ANKFN1: variants seen among roughly 807,000 people sequenced by gnomAD.
ANKFN1 encodes ankyrin repeat and fibronectin type III domain containing 1, also known as ankyrin repeat and fibronectin type-III domain-containing protein 1.
In ANKFN1, 74 loss-of-function variants were observed where a neutral mutation model predicts 108.7. The observed-to-expected ratio is 0.68, with a 90% confidence interval of 0.56 to 0.83. The LOEUF is 0.83. ANKFN1 is among the 40% of genes least tolerant of loss of function. ANKFN1 has a pLI of 0.00. For synonymous variants in ANKFN1, 547 were observed against 516.2 expected, an observed-to-expected ratio of 1.06 and a Z score of -0.81; for missense variants, 1,505 against 1,382.3, an observed-to-expected ratio of 1.09 and a Z score of -1.41.
chr17:56,509,498 C>T (rs1274322651), intron 20 of ANKFN1, among the ~76,000 whole-genome samples: 1 of 152,234 alleles, frequency 6.6e-6, no homozygotes, highest in Admixed American at 6.5e-5. Context: ...TCATACCATA[C>T]TTCCATTTCC....
chr17:56,441,083 A>C (rs1233226864), intron 9 of ANKFN1, among the ~76,000 whole-genome samples: 1 of 152,192 alleles, frequency 6.6e-6, no homozygotes, highest in Non-Finnish European at 1.5e-5. Flanking sequence ...ATGCAAAAAA[A>C]ATAAAAACAC....
chr17:56,126,519 G>A (rs1344795365), intron 4 of ANKFN1, among the ~76,000 whole-genome samples: 1 of 152,084 alleles, frequency 6.6e-6, no homozygotes, highest in Admixed American at 6.5e-5. Flanking sequence ...TTTAGACTTG[G>A]TGTTCTCTGT....
At chr17:56,485,864 C>A (rs2050839752) in intron 18 of ANKFN1, among the ~76,000 whole-genome samples, 1 of 152,096 alleles carries the variant, frequency 6.6e-6, no homozygotes, top group South Asian at 2.1e-4. Context: ...GAGCCCAACC[C>A]CAGAGATGCT....
At chr17:56,151,663 G>A (rs1387129071), upstream of ANKFN1, among the ~76,000 whole-genome samples, 3 of 152,058 alleles carry the variant, frequency 2.0e-5, no homozygotes, top group Admixed American at 2.0e-4. Flanking sequence ...TGAGTTTCTG[G>A]GGTTTCATAG....
intron 18 of ANKFN1, among the ~76,000 whole-genome samples, chr17:56,482,972 T>A (rs146484091): frequency 0.01 from 1,573 of 151,328 alleles, 26 homozygotes; most frequent in African/African-American, 0.037. Context: ...GAGAAAAAAA[T>A]AATAATGAAA....
chr17:56,059,261 G>T (rs918393855), intron 4 of ANKFN1, among the ~76,000 whole-genome samples: 1 of 151,996 alleles, frequency 6.6e-6, no homozygotes, highest in African/African-American at 2.4e-5. Context: ...CATATACTTT[G>T]CCCACTTTTT....
chr17:56,245,842 G>A (rs1316834979), intron 3 of ANKFN1: 2 of 152,040 alleles, frequency 1.3e-5, no homozygotes, highest in Non-Finnish European at 2.9e-5. Flanking sequence ...CTTTGTTATA[G>A]CACTAAGTCA....
intron 1 of ANKFN1, among the ~76,000 whole-genome samples, chr17:56,159,980 G>C (rs1909493700): frequency 6.6e-6 from 1 of 152,112 alleles, no homozygotes; most frequent in African/African-American, 2.4e-5. Context: ...CAGAGAGATG[G>C]GAGGGGTGGG....
chr17:56,372,646 T>C lies in ANKFN1; in HGVS notation c.602T>C (p.Phe201Ser), dbSNP rs745738890. The C allele has an allele frequency of 5.0e-6, 8 of 1,610,868 alleles. No homozygotes were observed. Among genetic ancestry groups the C allele is most frequent in the Non-Finnish European group, 6.8e-6 (8 of 1,179,178 alleles). Residue 201 changes from phenylalanine to serine, a missense_variant and splice_region_variant, in exon 7 of 21, where the codon TTT becomes TCT. Coordinates refer to ENST00000682825, the MANE Select transcript of ANKFN1 (RefSeq NM_001370326.1). ...LRTGARESPH[F>S]VSLESRAMHL... ...AGTAATCCCATTTCTTTCCCTTTAG[T>C]TGTCAGCCTGGAAAGCCGAGCAATG...
intron 4 of ANKFN1, among the ~76,000 whole-genome samples, chr17:56,076,087 T>C (rs1905177833): frequency 6.6e-6 from 1 of 152,176 alleles, no homozygotes; most frequent in South Asian, 2.1e-4. Flanking sequence ...TTTGGAAAGG[T>C]CATTCAGTCT....
At chr17:56,508,525 T>C (rs1209875649) in intron 20 of ANKFN1, among the ~76,000 whole-genome samples, 1 of 152,218 alleles carries the variant, frequency 6.6e-6, no homozygotes, top group African/African-American at 2.4e-5. Flanking sequence ...TCTTTCTTTA[T>C]CCTCTTTGTT....
chr17:56,353,750 A>C, intron 5 of ANKFN1, 86 bp from the exon 6 acceptor site: 1 of 1,229,018 alleles, frequency 8.1e-7, no homozygotes, highest in Non-Finnish European at 1.2e-6. Context: ...GCAGTCCCTG[A>C]AACAGTCTTT....
intron 4 of ANKFN1, among the ~76,000 whole-genome samples, chr17:56,078,576 C>T (rs1905208356): frequency 6.6e-6 from 1 of 152,182 alleles, no homozygotes; most frequent in Non-Finnish European, 1.5e-5. Context: ...TGTCAGATTG[C>T]TGGGTAATTA....
intron 4 of ANKFN1, among the ~76,000 whole-genome samples, chr17:56,058,355 A>G (rs2143099992): frequency 6.6e-6 from 1 of 152,348 alleles, no homozygotes; most frequent in African/African-American, 2.4e-5. Flanking sequence ...TCCTCTGGAA[A>G]CATTTCTGCA....
chr17:56,301,434 A>T (rs2044668003), intron 3 of ANKFN1, among the ~76,000 whole-genome samples: 1 of 152,182 alleles, frequency 6.6e-6, no homozygotes, highest in Non-Finnish European at 1.5e-5. Flanking sequence ...AATGCTCTAA[A>T]ATCATCTGGC....
rs754356732 is a variant in ANKFN1 at position 56,350,750 on chromosome 17, A to G, written c.189-16A>G. ...TGTGGTGTAAAAGATATAACATCGG[A>G]CTTTCCTCTTCTTAGGAATTGTCGT... is the stretch of plus-strand genomic sequence containing the variant. On this transcript the variant is annotated splice_polypyrimidine_tract_variant and intron_variant, in intron 4 of 20. Coordinates refer to ENST00000682825, the MANE Select transcript of ANKFN1 (RefSeq NM_001370326.1). 9.3e-6 allele frequency: 15 copies of G among 1,609,536 alleles called. No homozygotes were observed. Among genetic ancestry groups the G allele is most frequent in the Non-Finnish European group, 1.3e-5 (15 of 1,176,130 alleles).
intron 3 of ANKFN1, among the ~76,000 whole-genome samples, chr17:56,288,247 T>A (rs2044269997): frequency 1.3e-5 from 2 of 152,222 alleles, no homozygotes; most frequent in Admixed American, 6.5e-5. Flanking sequence ...ATTAGTTTCC[T>A]GTGTAAGCTT....
intron 17 of ANKFN1, among the ~76,000 whole-genome samples, chr17:56,481,046 C>T (rs1287401530): frequency 7.5e-6 from 1 of 133,814 alleles, no homozygotes; most frequent in African/African-American, 3.0e-5. Flanking sequence ...ACCTCTTTCA[C>T]ATTTTCTGGA....
At chr17:56,298,852 C>T (rs1227978679) in intron 3 of ANKFN1, among the ~76,000 whole-genome samples, 1 of 152,190 alleles carries the variant, frequency 6.6e-6, no homozygotes, top group Non-Finnish European at 1.5e-5. Context: ...AGTTCATTTA[C>T]AAAGTAAGCA....
Sources: allele counts gnomAD v4.1 joint callset (sites outside exome capture counted in the v4.1 genomes callset), GRCh38; gene constraint gnomAD v4.1.1; transcripts MANE v1.5; gene names NCBI Gene and HGNC (gene_info 2026-07-23, HGNC 2026-07-21).